Variants in SH3BGRL observed in about 807,000 individuals in gnomAD.
SH3BGRL encodes adapter SH3BGRL.
In SH3BGRL, 7 loss-of-function variants were observed where a neutral mutation model predicts 9.8. The observed-to-expected ratio is 0.72, with a 90% confidence interval of 0.41 to 1.35. SH3BGRL has a LOEUF of 1.35. SH3BGRL is among the 40% of genes most tolerant of loss of function. The pLI is 0.01. For synonymous variants in SH3BGRL, 36 were observed against 29.1 expected, an observed-to-expected ratio of 1.24 and a Z score of -0.76; for missense variants, 73 against 84.4, an observed-to-expected ratio of 0.86 and a Z score of 0.53.
chrX:81,251,485 G>T (rs2075710575), intron 1 of SH3BGRL, among the ~76,000 whole-genome samples: 1 of 109,919 alleles, frequency 9.1e-6, no homozygotes, highest in Non-Finnish European at 1.9e-5. Context: ...AAAGATCATG[G>T]GTTCTAAAAT....
At chrX:81,286,541 G>A (rs1462516559) in intron 3 of SH3BGRL, among the ~76,000 whole-genome samples, 2 of 104,903 alleles carry the variant, frequency 1.9e-5, no homozygotes, top group African/African-American at 3.5e-5. Context: ...GGAAAAGCAG[G>A]AAAGAAGGAT....
chrX:81,208,080 C>G (rs2075552632), intron 1 of SH3BGRL, among the ~76,000 whole-genome samples: 1 of 110,792 alleles, frequency 9.0e-6, no homozygotes, highest in Non-Finnish European at 1.9e-5. Context: ...CACGGTGAGA[C>G]CCCGTCTCTA....
intron 1 of SH3BGRL, among the ~76,000 whole-genome samples, chrX:81,255,987 A>G (rs184881884): frequency 8.9e-6 from 1 of 112,277 alleles, no homozygotes; most frequent in Non-Finnish European, 1.9e-5. Flanking sequence ...GAGAATTTTC[A>G]TGTGTGTTTC....
At chrX:81,293,511 T>A (rs1602633218) in intron 3 of SH3BGRL, among the ~76,000 whole-genome samples, 1 of 111,563 alleles carries the variant, frequency 9.0e-6, no homozygotes, top group Non-Finnish European at 1.9e-5. Flanking sequence ...GCTGAAACCC[T>A]GTCTCTACTA....
intron 1 of SH3BGRL, among the ~76,000 whole-genome samples, chrX:81,251,833 GA>G (rs899350769): frequency 2.7e-5 from 3 of 111,947 alleles, no homozygotes; most frequent in African/African-American, 9.7e-5. Flanking sequence ...ATATTTCATA[GA>G]AACATGAACT....
chrX:81,260,490 A>G (rs775548009), intron 1 of SH3BGRL, among the ~76,000 whole-genome samples: 1 of 111,480 alleles, frequency 9.0e-6, no homozygotes, highest in South Asian at 3.7e-4. Context: ...ATACTTTACA[A>G]TACAATTATA....
chrX:81,208,217 G>A (rs1477946701), intron 1 of SH3BGRL, among the ~76,000 whole-genome samples: 1 of 110,950 alleles, frequency 9.0e-6, no homozygotes, highest in African/African-American at 3.3e-5. Context: ...AGCCGAGATC[G>A]TGCCACTGCA....
chrX:81,214,433 G>T (rs911035889), intron 1 of SH3BGRL, among the ~76,000 whole-genome samples: 3 of 111,647 alleles, frequency 2.7e-5, no homozygotes, highest in South Asian at 3.7e-4. Context: ...TAAAAAAGAA[G>T]AAAATTAAGC....
At chrX:81,275,707 T>C (rs1351356498) in intron 1 of SH3BGRL, among the ~76,000 whole-genome samples, 1 of 112,187 alleles carries the variant, frequency 8.9e-6, no homozygotes, top group Non-Finnish European at 1.9e-5. Context: ...TTGTAGCAAG[T>C]TTTGCTAGAT....
chrX:81,290,842 A>G (rs1354780876), intron 3 of SH3BGRL, among the ~76,000 whole-genome samples: 1 of 110,951 alleles, frequency 9.0e-6, no homozygotes, highest in Non-Finnish European at 1.9e-5. Context: ...CCCCATAAAT[A>G]TATATACCTA....
chrX:81,208,261 C>CA (rs1301347391), intron 1 of SH3BGRL, among the ~76,000 whole-genome samples: 260 of 100,510 alleles, frequency 2.6e-3, no homozygotes, highest in African/African-American at 6.4e-3. Context: ...GACACCGTCT[C>CA]AAAAAAAAAA....
intron 1 of SH3BGRL, among the ~76,000 whole-genome samples, chrX:81,267,602 G>A (rs1015504210): frequency 9.0e-6 from 1 of 111,293 alleles, no homozygotes; most frequent in African/African-American, 3.3e-5. Context: ...TGCTGGATTC[G>A]GTTTGCCAGT....
Position 81,297,290 on chromosome X carries a change from A to G in SH3BGRL, c.*63A>G. ...GTCTCCATTGCTTTTATAAAATAGC[A>G]GAATTAGCTTTGCTTCAAAAGAAAT... On this transcript the variant is annotated 3_prime_UTR_variant, in exon 4 of 4. Coordinates refer to ENST00000373212, the MANE Select transcript of SH3BGRL (RefSeq NM_003022.3). 1 of 940,082 alleles carries G rather than the reference A, an allele frequency of 1.1e-6. No individual in the cohort carries two copies. Among genetic ancestry groups the G allele is most frequent in the Non-Finnish European group, 1.5e-6 (1 of 666,134 alleles). The allele number at this position is 940,082 out of a possible 1,213,427, so 77.5% of individuals were successfully genotyped here.
intron 1 of SH3BGRL, among the ~76,000 whole-genome samples, chrX:81,271,360 G>T (rs1395452667): frequency 1.8e-5 from 2 of 112,120 alleles, no homozygotes; most frequent in African/African-American, 6.5e-5. Flanking sequence ...GACCAGAGCT[G>T]TTCCTGTTTG....
intron 1 of SH3BGRL, among the ~76,000 whole-genome samples, chrX:81,209,496 C>T (rs373540974): frequency 9.9e-5 from 11 of 111,409 alleles, no homozygotes; most frequent in East Asian, 5.6e-4. Context: ...GATCCAGAAA[C>T]ATAGGTACAT....
intron 1 of SH3BGRL, among the ~76,000 whole-genome samples, chrX:81,242,980 G>C (rs1602607559): frequency 8.9e-6 from 1 of 111,818 alleles, no homozygotes; most frequent in Non-Finnish European, 1.9e-5. Flanking sequence ...ATGTTTGTAG[G>C]TTCCTCTAAA....
At chrX:81,251,792 C>T (rs1331130391) in intron 1 of SH3BGRL, among the ~76,000 whole-genome samples, 1 of 112,019 alleles carries the variant, frequency 8.9e-6, no homozygotes, top group Non-Finnish European at 1.9e-5. Flanking sequence ...AACTAACCTA[C>T]AGGATATTGG....
chrX:81,270,180 G>A (rs1190114842), intron 1 of SH3BGRL, among the ~76,000 whole-genome samples: 3 of 110,638 alleles, frequency 2.7e-5, no homozygotes, highest in Admixed American at 9.7e-5. Flanking sequence ...CCTTTAGCTC[G>A]GGGAAGTTTG....
At chrX:81,232,396 GTGATGATGATGA>G (rs199805990) in intron 1 of SH3BGRL, among the ~76,000 whole-genome samples, 4 of 107,316 alleles carry the variant, frequency 3.7e-5, no homozygotes, top group East Asian at 2.9e-4. Context: ...TAGTGAATTA[GTGATGATGATGA>G]TGATGATGAT....
Sources: gnomAD v4.1 joint callset for allele counts (sites outside exome capture counted in the v4.1 genomes callset) on GRCh38, gnomAD v4.1.1 for gene constraint, MANE v1.5 for transcripts, NCBI Gene and HGNC (gene_info 2026-07-23, HGNC 2026-07-21) for gene names.